Variants in ZNF469 observed in about 807,000 individuals in gnomAD.
ZNF469 encodes the protein zinc finger protein 469.
Under a neutral mutation model 1.0 loss-of-function variants are expected in ZNF469, and 1 was observed. The observed-to-expected ratio is 1.00, with a 90% CI of 0.35 to 4.73. ZNF469 has a LOEUF of 4.73. Among genes scored for constraint, ZNF469 ranks in the 30% most tolerant of loss-of-function variants. ZNF469 has a pLI of 0.16. For missense variants in ZNF469, 6,100 were observed against 5,356.3 expected (o/e 1.14, Z -4.33); for synonymous variants, 2,703 against 2,363.4 (o/e 1.14, Z -4.17).
In ZNF469 at chr16:88,433,674, G is replaced by A. The variant is rs575840696; in HGVS notation, c.6204G>A (p.Leu2068=). The A allele has an allele frequency of 4.8e-5, 75 of 1,549,752 alleles. No homozygotes were observed. In the East Asian group the frequency reaches 1.3e-3, roughly 28 times the overall value. Residue 2068 remains leucine, a synonymous_variant, in exon 3 of 3, where the codon CTG becomes CTA. Transcript: ENST00000565624. ...PPSPNRESLA[L]ALTAAHSRSG... ...CCCCTAATAGGGAGTCCCTGGCGCT[G>A]GCCTTGACAGCAGCCCACAGCCGAA...
the ZNF469 span, among the ~76,000 whole-genome samples, chr16:88,367,181 A>T: frequency 6.6e-6 from 1 of 152,344 alleles, no homozygotes; most frequent in East Asian, 1.9e-4. Context: ...AAAATAGCCT[A>T]TTGAGCTCCA....
intron 1 of ZNF469, among the ~76,000 whole-genome samples, chr16:88,418,913 G>A (rs778881291): frequency 2.0e-5 from 3 of 152,254 alleles, no homozygotes; most frequent in Admixed American, 6.5e-5. Flanking sequence ...CTGCAGCCCC[G>A]TACGGCGAGG....
chr16:88,232,709 C>T, the ZNF469 span, among the ~76,000 whole-genome samples: 1 of 152,226 alleles, frequency 6.6e-6, no homozygotes, highest in Non-Finnish European at 1.5e-5. Context: ...TTCTGCTGGC[C>T]CTGAGAACGC....
At chr16:88,286,170 C>T in the ZNF469 span, among the ~76,000 whole-genome samples, 40 of 152,226 alleles carry the variant, frequency 2.6e-4, no homozygotes, top group African/African-American at 8.2e-4. Flanking sequence ...CTGCCTGGGA[C>T]GGATGAGTTT....
the ZNF469 span, among the ~76,000 whole-genome samples, chr16:88,113,531 G>T: frequency 6.6e-6 from 1 of 152,206 alleles, no homozygotes; most frequent in South Asian, 2.1e-4. Flanking sequence ...AGGACGTGAG[G>T]ACCTGTGGCT....
the ZNF469 span, among the ~76,000 whole-genome samples, chr16:88,235,388 A>C: frequency 1.3e-5 from 2 of 152,068 alleles, no homozygotes; most frequent in African/African-American, 4.8e-5. Flanking sequence ...CCCTCCCCCA[A>C]CACACCTGGA....
At chr16:88,195,306 C>T in the ZNF469 span, 1 of 152,238 alleles carries the variant, frequency 6.6e-6, no homozygotes, top group Non-Finnish European at 1.5e-5. Context: ...GTGACAGGGC[C>T]TGCCTTTCTG....
the ZNF469 span, among the ~76,000 whole-genome samples, chr16:88,240,921 C>G: frequency 1.3e-5 from 2 of 152,112 alleles, no homozygotes; most frequent in African/African-American, 4.8e-5. Flanking sequence ...GACACACAAG[C>G]CACCTGCCAC....
the ZNF469 span, among the ~76,000 whole-genome samples, chr16:88,169,817 G>A: frequency 0.041 from 6,312 of 152,278 alleles, 214 homozygotes; most frequent in Non-Finnish European, 0.051. This position sits in a 1 kb window ranked among gnomAD's most constrained non-coding sequence, Gnocchi z 6.1. Context: ...TCCCACCAGC[G>A]GTGCATGAGG....
At chr16:88,349,332 G>C in the ZNF469 span, among the ~76,000 whole-genome samples, 1 of 151,914 alleles carries the variant, frequency 6.6e-6, no homozygotes, top group Non-Finnish European at 1.5e-5. Flanking sequence ...ACATGCACAT[G>C]AGCACCACAC....
chr16:88,279,440 T>C, the ZNF469 span, among the ~76,000 whole-genome samples: 1 of 146,818 alleles, frequency 6.8e-6, no homozygotes, highest in Non-Finnish European at 1.5e-5. Flanking sequence ...CAGTACCATG[T>C]AGATATGATT....
chr16:88,363,109 C>G, the ZNF469 span, among the ~76,000 whole-genome samples: 1 of 152,078 alleles, frequency 6.6e-6, no homozygotes, highest in African/African-American at 2.4e-5. Context: ...TTATTTGTGA[C>G]AAGCATAATT....
the ZNF469 span, among the ~76,000 whole-genome samples, chr16:88,329,122 G>A: frequency 6.6e-6 from 1 of 152,150 alleles, no homozygotes; most frequent in Admixed American, 6.5e-5. Context: ...AGTGGTATCC[G>A]GGGTCTGTGT....
the ZNF469 span, among the ~76,000 whole-genome samples, chr16:88,184,037 C>T: frequency 6.6e-6 from 1 of 151,930 alleles, no homozygotes; most frequent in East Asian, 2.0e-4. Flanking sequence ...CCGGAGTCTC[C>T]GGCACTTTGA....
the ZNF469 span, among the ~76,000 whole-genome samples, chr16:88,239,803 G>T: frequency 0.27 from 38,413 of 143,506 alleles, 6,388 homozygotes; most frequent in Non-Finnish European, 0.36. Flanking sequence ...CTCGTGATCT[G>T]CCTGCCTTGG....
At position 88,431,143 on chromosome 16, in the gene ZNF469, G is replaced by A. The variant is rs1906147481; in HGVS notation, c.3673G>A (p.Ala1225Thr). 1.9e-6 allele frequency: 3 copies of A among 1,550,226 alleles called. No individual in the cohort carries two copies. Among genetic ancestry groups the A allele is most frequent in the East Asian group, 2.4e-5 (1 of 40,888 alleles). ...TRPSLDFPQEAKEPETAEESA... is the reference protein window; with the variant it reads ...TRPSLDFPQETKEPETAEESA... Reference sequence around the variant, plus strand: ...CCCGTCGCTGGACTTTCCCCAGGAGGCCAAGGAGCCTGAAACTGCCGAAGA... The same window carrying A: ...CCCGTCGCTGGACTTTCCCCAGGAGACCAAGGAGCCTGAAACTGCCGAAGA... The change falls in exon 3 of 3, where the codon GCC becomes ACC. Residue 1225 changes from alanine to threonine, a missense_variant. Ala to Thr is a moderately conservative substitution (Grantham distance 58). Coordinates refer to ENST00000565624, the MANE Select transcript of ZNF469 (RefSeq NM_001367624.2).
rs764375272 is a variant in ZNF469, at chr16:88,428,094, G to A, written c.624G>A (p.Pro208=). 5.1e-5 allele frequency: 79 copies of A among 1,549,650 alleles called. No individual in the cohort carries two copies. The highest frequency in any genetic ancestry group is 2.2e-4 in the Admixed American group (11 of 50,974). Residue 208 remains proline, a synonymous_variant, in exon 3 of 3, where the codon CCG becomes CCA. Coordinates refer to ENST00000565624, the MANE Select transcript of ZNF469 (RefSeq NM_001367624.2). ...GCGCCACCCCCAGGCCCCCAGCCCC[G>A]GGGCCCCCCCAGAGCAGGGGCACCA... ...SPSATPRPPA[P]GPPQSRGTSP... is the part of the protein sequence containing the mutation.
chr16:88,223,968 G>A, the ZNF469 span, among the ~76,000 whole-genome samples: 1 of 152,228 alleles, frequency 6.6e-6, no homozygotes, highest in Non-Finnish European at 1.5e-5. Context: ...AATGGGGGTT[G>A]GGGCATTTTT....
At chr16:88,230,994 C>T in the ZNF469 span, among the ~76,000 whole-genome samples, 1 of 152,146 alleles carries the variant, frequency 6.6e-6, no homozygotes, top group African/African-American at 2.4e-5. Context: ...ACGGCTGGAA[C>T]TCTAAAAGTC....
Sources: allele counts gnomAD v4.1 joint callset (sites outside exome capture counted in the v4.1 genomes callset), GRCh38; gene constraint gnomAD v4.1.1; non-coding constraint Gnocchi (gnomAD v3.1); transcripts MANE v1.5; gene names NCBI Gene and HGNC (gene_info 2026-07-23, HGNC 2026-07-21).